Variants in MYO5A observed in about 807,000 individuals in gnomAD.
The protein encoded by MYO5A is myosin VA.
In MYO5A, 98 loss-of-function variants were observed where a neutral mutation model predicts 249.7. That is an observed-to-expected ratio of 0.39 (90% CI 0.33 to 0.46). The LOEUF (loss-of-function observed/expected upper bound fraction) is 0.46. MYO5A is among the 20% of genes least tolerant of loss of function. The pLI, the probability that MYO5A is intolerant of heterozygous loss-of-function variation, is 0.98. For synonymous variants in MYO5A, 778 were observed against 810.6 expected, an observed-to-expected ratio of 0.96 and a Z score of 0.68; for missense variants, 1,696 against 2,308.8, an observed-to-expected ratio of 0.73 and a Z score of 5.44.
intron 1 of MYO5A, among the ~76,000 whole-genome samples, chr15:52,498,516 T>TA (rs891345625): frequency 2.6e-5 from 4 of 151,642 alleles, no homozygotes; most frequent in East Asian, 1.9e-4. Flanking sequence ...TTTGTTTGGT[T>TA]AAAAAAAAAC....
rs2037659446 is a variant in MYO5A at position 52,307,524 on chromosome 15, T to C, written c.*6172A>G. ...ATTTTTAAAAATTGCACGTGAGATA[T>C]GCTAGAATGGGTTCTAGAGTCTAGA... On this transcript the variant is annotated 3_prime_UTR_variant, in exon 42 of 42. Transcript: ENST00000399233. The C allele has an allele frequency of 6.6e-6, 1 of 152,198 alleles. No individual in the cohort carries two copies. Among genetic ancestry groups the C allele is most frequent in the African/African-American group, 2.4e-5 (1 of 41,456 alleles). The allele number at this position is 152,198 out of a possible 1,614,324, so 9.4% of individuals were successfully genotyped here. A position where few individuals can be genotyped will look rare whatever the true frequency, so the allele number is the denominator to read the frequency against.
intron 39 of MYO5A, 70 bp downstream of exon 39, chr15:52,318,990 G>T (rs1235932967): frequency 1.9e-6 from 3 of 1,565,896 alleles, no homozygotes; most frequent in Non-Finnish European, 2.6e-6. Flanking sequence ...CAAGTCATCA[G>T]CTCTCCACAA....
chr15:52,426,841 G>A (rs2075405972), intron 3 of MYO5A, among the ~76,000 whole-genome samples: 1 of 151,978 alleles, frequency 6.6e-6, no homozygotes, highest in African/African-American at 2.4e-5. Context: ...ACTTAATGAA[G>A]TCGTCCATTC....
chr15:52,508,424 CCAAAAAAGG>C (rs1307756027), intron 1 of MYO5A, among the ~76,000 whole-genome samples: 1 of 151,178 alleles, frequency 6.6e-6, no homozygotes, highest in Non-Finnish European at 1.5e-5. Context: ...AAACAAACCA[CCAAAAAAGG>C]CATCACAACA....
Position 52,343,199 on chromosome 15 carries a change from T to G in MYO5A, c.3960-2A>C. On this transcript the variant is annotated splice_acceptor_variant, in intron 30 of 41. Coordinates refer to ENST00000399233, the MANE Select transcript of MYO5A (RefSeq NM_001382347.1). LOFTEE classifies it high-confidence loss of function. ...TCATGGTAATCCAGAGCAGATGATC[T>G]TCCATGCAAAAGGAACAACAATGCA... is the stretch of plus-strand genomic sequence containing the variant. The G allele has an allele frequency of 6.2e-7, 1 of 1,612,906 alleles. No homozygotes were observed. Among genetic ancestry groups the G allele is most frequent in the Non-Finnish European group, 8.5e-7 (1 of 1,178,888 alleles).
intron 32 of MYO5A, among the ~76,000 whole-genome samples, 184 bp from the exon 33 acceptor site, chr15:52,338,068 C>T (rs2140980956): frequency 6.6e-6 from 1 of 152,214 alleles, no homozygotes; most frequent in East Asian, 1.9e-4. Flanking sequence ...ATTCTAATTA[C>T]ATATGTACAG....
chr15:52,314,331 G>C (rs1414818756), intron 40 of MYO5A, 128 bp from the exon 41 acceptor site: 1 of 711,244 alleles, frequency 1.4e-6, no homozygotes, highest in Non-Finnish European at 2.6e-6. Flanking sequence ...GCTGGGACCA[G>C]AAGGAAGGAG....
chr15:52,373,730 T>C (rs917255221), intron 20 of MYO5A, among the ~76,000 whole-genome samples: 6 of 152,116 alleles, frequency 3.9e-5, no homozygotes, highest in Non-Finnish European at 5.9e-5. Flanking sequence ...CTAAGGAAAG[T>C]AGTGAGGAAC....
intron 1 of MYO5A, among the ~76,000 whole-genome samples, chr15:52,502,948 C>T (rs1391934245): frequency 6.6e-6 from 1 of 152,164 alleles, no homozygotes; most frequent in Non-Finnish European, 1.5e-5. Flanking sequence ...ATCACATGTT[C>T]TCATTCATAT....
chr15:52,405,198 G>C, intron 9 of MYO5A, 89 bp downstream of exon 9: 1 of 916,246 alleles, frequency 1.1e-6, no homozygotes, highest in Non-Finnish European at 1.8e-6. Flanking sequence ...TATTGATAGA[G>C]AGACTTAAAC....
chr15:52,469,121 A>G (rs955334719), intron 1 of MYO5A, among the ~76,000 whole-genome samples: 1 of 152,216 alleles, frequency 6.6e-6, no homozygotes, highest in African/African-American at 2.4e-5. Context: ...AGGCTAATTC[A>G]TATATGTATA....
rs1331156236 is a variant in MYO5A, at chr15:52,397,282, T to C, written c.1238A>G (p.Asn413Ser). ...CTGATTGACATTATCTACAATCCAGTTAAAGAGCTTGGCATAGATGTGCTT... is the reference window on the plus strand; with the variant it reads ...CTGATTGACATTATCTACAATCCAGCTAAAGAGCTTGGCATAGATGTGCTT... ...LAKHIYAKLF[N>S]WIVDNVNQAL... The change falls in exon 10 of 42, where the codon AAC becomes AGC. Residue 413 changes from asparagine to serine, a missense_variant. This residue lies in a region of MYO5A where 185 missense variants were observed against 204.8 expected (regional missense o/e 0.90). Coordinates refer to ENST00000399233, the MANE Select transcript of MYO5A (RefSeq NM_001382347.1). The C allele has an allele frequency of 1.2e-6, 2 of 1,614,106 alleles. No homozygotes were observed. The highest frequency in any genetic ancestry group is 1.3e-5 in the African/African-American group (1 of 75,028).
At chr15:52,340,981 T>C (rs1384858289) in intron 31 of MYO5A, among the ~76,000 whole-genome samples, 1 of 145,288 alleles carries the variant, frequency 6.9e-6, no homozygotes, top group African/African-American at 2.7e-5. Flanking sequence ...TCATAGGAAA[T>C]GAGGATGTAA....
intron 13 of MYO5A, among the ~76,000 whole-genome samples, chr15:52,388,458 T>C (rs1447955362): frequency 6.6e-6 from 1 of 152,192 alleles, no homozygotes; most frequent in Admixed American, 6.5e-5. Context: ...ACTTCAGTTG[T>C]CTGCCACTCA....
At position 52,313,670 on chromosome 15, in the gene MYO5A, T is replaced by A; in HGVS notation, c.*26A>T. 11 of 1,613,612 alleles carry A rather than the reference T, an allele frequency of 6.8e-6. No individual in the cohort carries two copies. The highest frequency in any genetic ancestry group is 9.3e-6 in the Non-Finnish European group (11 of 1,179,550). ...TTCTTATTTCGGGCAAGAAATGTAT[T>A]GTCAATTTTTGCCTGGACATCACTT... is the stretch of plus-strand genomic sequence containing the variant. On this transcript the variant is annotated 3_prime_UTR_variant, in exon 42 of 42. Transcript: ENST00000399233.
intron 1 of MYO5A, 31 bp downstream of exon 1, chr15:52,528,749 A>G (rs2077771252): frequency 6.7e-7 from 1 of 1,502,136 alleles, no homozygotes; most frequent in Non-Finnish European, 8.8e-7. Flanking sequence ...GCACAGCCCC[A>G]GTCCTCGACG....
At position 52,482,039 on chromosome 15, in the gene MYO5A, C is replaced by T. The variant is rs552712269; in HGVS notation, c.27+46741G>A. Among the ~76,000 whole-genome samples, 3 of 152,230 alleles carry T rather than the reference C, an allele frequency of 2.0e-5. No individual in the cohort carries two copies. The South Asian group carries it at 6.2e-4, about 32-fold the overall frequency. ...TCAGCATGATAACTGGAGACTCAGG[C>T]ATAATAAAGAGGAAGTGGCTAGGCA... On this transcript the variant is annotated intron_variant, in intron 1 of 41. Transcript: ENST00000399233.
intron 25 of MYO5A, among the ~76,000 whole-genome samples, chr15:52,355,928 T>C (rs1265742927): frequency 6.6e-6 from 1 of 152,090 alleles, no homozygotes; most frequent in Non-Finnish European, 1.5e-5. Flanking sequence ...TGTCAACTGG[T>C]TCCAAAACAG....
intron 1 of MYO5A, among the ~76,000 whole-genome samples, chr15:52,488,646 G>A (rs1423775496): frequency 6.6e-6 from 1 of 152,116 alleles, no homozygotes; most frequent in Non-Finnish European, 1.5e-5. Context: ...ATAATAAAAT[G>A]GTTGTGATTT....
Sources: allele counts gnomAD v4.1 joint callset (sites outside exome capture counted in the v4.1 genomes callset), GRCh38; gene constraint gnomAD v4.1.1; regional missense constraint gnomAD v4.1.1; transcripts MANE v1.5; gene names NCBI Gene and HGNC (gene_info 2026-07-23, HGNC 2026-07-21).